Variants in ARL15 observed in about 807,000 individuals in gnomAD.
ARL15 encodes ADP-ribosylation factor-like protein 15.
In ARL15, 19 loss-of-function variants were observed where a neutral mutation model predicts 25.2. That is an observed-to-expected ratio of 0.75 (90% CI 0.53 to 1.10). The LOEUF (loss-of-function observed/expected upper bound fraction) is 1.10. ARL15 is among the 50% of genes least tolerant of loss of function. ARL15 has a pLI of 0.00. For synonymous variants in ARL15, 94 were observed against 86.8 expected (o/e 1.08, Z -0.46); for missense variants, 220 against 246.0 (o/e 0.89, Z 0.71).
chr5:54,152,294 T>C (rs1194752087), intron 3 of ARL15, among the ~76,000 whole-genome samples: 1 of 152,166 alleles, frequency 6.6e-6, no homozygotes, highest in Admixed American at 6.5e-5. Flanking sequence ...TTTGGGATGA[T>C]CCCCTTCATA....
At chr5:54,184,568 C>A (rs464888) in intron 1 of ARL15, among the ~76,000 whole-genome samples, 29,888 of 143,768 alleles carry the variant, frequency 0.21, 3,786 homozygotes, top group East Asian at 0.7. Flanking sequence ...AAAGTAGATT[C>A]TTTCCATTCA....
intron 4 of ARL15, among the ~76,000 whole-genome samples, chr5:54,101,055 T>A (rs561694081): frequency 6.6e-4 from 101 of 152,204 alleles, no homozygotes; most frequent in Non-Finnish European, 1.2e-3. Context: ...TAGTTAGTCA[T>A]ACAATCTTAA....
chr5:54,189,805 CA>C (rs2112453250), intron 1 of ARL15, among the ~76,000 whole-genome samples: 1 of 151,942 alleles, frequency 6.6e-6, no homozygotes, highest in Admixed American at 6.6e-5. Flanking sequence ...AAAAAAGAAA[CA>C]ATAGGCAAAT....
intron 4 of ARL15, chr5:54,048,171 A>G (rs1750584455): frequency 6.6e-6 from 1 of 151,816 alleles, no homozygotes. Context: ...GGAGGTTACC[A>G]TACTGATGCC....
At chr5:54,103,159 T>C (rs1579802055) in intron 4 of ARL15, among the ~76,000 whole-genome samples, 1 of 151,964 alleles carries the variant, frequency 6.6e-6, no homozygotes, top group Admixed American at 6.6e-5. Flanking sequence ...AAAAAACTTG[T>C]AAATTTTTTT....
chr5:54,125,786 G>A (rs1158245125), intron 3 of ARL15, among the ~76,000 whole-genome samples: 1 of 152,166 alleles, frequency 6.6e-6, no homozygotes, highest in Non-Finnish European at 1.5e-5. Context: ...TTGTTACACA[G>A]CAATAGATAA....
intron 4 of ARL15, among the ~76,000 whole-genome samples, chr5:54,107,772 T>C (rs1208058917): frequency 6.6e-6 from 1 of 152,212 alleles, no homozygotes; most frequent in Non-Finnish European, 1.5e-5. Flanking sequence ...ACTTTTTGTA[T>C]ATACATTGAC....
At chr5:54,016,717 TTA>T (rs1250716931) in intron 4 of ARL15, among the ~76,000 whole-genome samples, 1 of 152,216 alleles carries the variant, frequency 6.6e-6, no homozygotes, top group African/African-American at 2.4e-5. Context: ...AAATGCAACC[TTA>T]TTTTCTTACC....
rs1554035231 is a variant in ARL15 at position 54,029,372 on chromosome 5, C to CACT, written c.462+83829_462+83830insAGT. 5.3e-4 allele frequency among the ~76,000 whole-genome samples: 74 copies of CACT among 138,666 alleles called. No homozygotes were observed. In the East Asian group the frequency reaches 0.012, roughly 22 times the overall value. 91.0% of individuals were successfully genotyped at this position (138,666 alleles called of 152,430 possible). A position where few individuals can be genotyped will look rare whatever the true frequency, so the allele number is the denominator to read the frequency against. On this transcript the variant is annotated intron_variant, in intron 4 of 4. Coordinates refer to ENST00000504924, the MANE Select transcript of ARL15 (RefSeq NM_019087.3). ...CCACCACCACCACCACCACCACCAC[C>CACT]ACCACTACACCTAGAGAAGCATGCT...
At chr5:54,142,111 G>T (rs1579842017) in intron 3 of ARL15, among the ~76,000 whole-genome samples, 1 of 152,276 alleles carries the variant, frequency 6.6e-6, no homozygotes, top group East Asian at 1.9e-4. Flanking sequence ...CTTTTTCAGA[G>T]ACTGTTAATC....
chr5:54,012,866 C>T (rs1402083637), intron 4 of ARL15, among the ~76,000 whole-genome samples: 6 of 148,620 alleles, frequency 4.0e-5, no homozygotes, highest in Non-Finnish European at 5.9e-5. Context: ...TCGCCAAGGC[C>T]GGAGTGCAGT....
chr5:53,888,460 C>A (rs2111885953), intron 4 of ARL15, among the ~76,000 whole-genome samples: 1 of 151,986 alleles, frequency 6.6e-6, no homozygotes, highest in South Asian at 2.1e-4. Context: ...TTTAAAAAAT[C>A]TTCTGTAGAG....
chr5:54,118,061 A>T (rs1752959959), intron 3 of ARL15, among the ~76,000 whole-genome samples: 3 of 152,112 alleles, frequency 2.0e-5, no homozygotes, highest in Admixed American at 6.5e-5. Flanking sequence ...ATGCATAGAT[A>T]AAAAAATACA....
chr5:53,932,037 G>T (rs1000897356), intron 4 of ARL15, among the ~76,000 whole-genome samples: 1 of 152,114 alleles, frequency 6.6e-6, no homozygotes, highest in Non-Finnish European at 1.5e-5. Flanking sequence ...CATAATGCAC[G>T]GTTTCTAGAA....
intron 4 of ARL15, among the ~76,000 whole-genome samples, chr5:54,075,180 G>T (rs2112087720): frequency 6.7e-6 from 1 of 149,442 alleles, no homozygotes; most frequent in East Asian, 2.0e-4. Context: ...TTATAATTTA[G>T]ATGGTTAAAT....
At chr5:54,269,130 G>A (rs902219558) in intron 1 of ARL15, among the ~76,000 whole-genome samples, 1 of 152,098 alleles carries the variant, frequency 6.6e-6, no homozygotes, top group African/African-American at 2.4e-5. Flanking sequence ...TAAATGACGA[G>A]TTAATGGGTG....
chr5:54,052,088 A>AAT (rs1341296798), intron 4 of ARL15, among the ~76,000 whole-genome samples: 18 of 152,198 alleles, frequency 1.2e-4, no homozygotes, highest in Admixed American at 1.2e-3. Context: ...AAAAAGCAAA[A>AAT]ATATAGCAGT....
At chr5:54,282,316 T>C in intron 1 of ARL15, 1 of 985,454 alleles carries the variant, frequency 1.0e-6, no homozygotes, top group Non-Finnish European at 1.2e-6. Flanking sequence ...TCTGGATGCA[T>C]TCAGACATTC....
chr5:54,132,059 T>C (rs1753454650), intron 3 of ARL15, among the ~76,000 whole-genome samples: 1 of 152,110 alleles, frequency 6.6e-6, no homozygotes, highest in Non-Finnish European at 1.5e-5. Flanking sequence ...CATAAGGTGA[T>C]AAGAAACAAA....
Sources: allele counts gnomAD v4.1 joint callset (sites outside exome capture counted in the v4.1 genomes callset), GRCh38; gene constraint gnomAD v4.1.1; transcripts MANE v1.5; gene names NCBI Gene and HGNC (gene_info 2026-07-23, HGNC 2026-07-21).